The following MUC4 variants were observed in gnomAD, a reference collection of about 807,000 sequenced individuals.
The protein encoded by MUC4 is mucin 4, cell surface associated.
Under a neutral mutation model 257.9 loss-of-function variants are expected in MUC4, and 202 were observed. The observed-to-expected ratio is 0.78, with a 90% CI of 0.70 to 0.88. The LOEUF (loss-of-function observed/expected upper bound fraction) is 0.88. Ranked by LOEUF, MUC4 falls within the 40% of genes least tolerant of loss-of-function variation. The pLI, the probability that MUC4 is intolerant of heterozygous loss-of-function variation, is 0.00. For missense variants in MUC4, 5,976 were observed against 6,513.7 expected (o/e 0.92, Z 2.84); for synonymous variants, 2,351 against 2,757.1 (o/e 0.85, Z 4.62).
In MUC4 at chr3:195,781,376, A is replaced by G; in HGVS notation, c.10204T>C (p.Ser3402Pro). 1 of 1,485,020 alleles carries G rather than the reference A, an allele frequency of 6.7e-7. No individual in the cohort carries two copies. Among genetic ancestry groups the G allele is most frequent in the Non-Finnish European group, 9.1e-7 (1 of 1,104,626 alleles). 92.0% of individuals were successfully genotyped at this position (1,485,020 alleles called of 1,614,324 possible). A position where few individuals can be genotyped will look rare whatever the true frequency, so the allele number is the denominator to read the frequency against. ...GGAAGAGGCATGGTGTCACCTGTGG[A>G]TACTGAGGAAGTGTTGGTGACAGGA... ...PLPVTNTSSV[S>P]TGDTMPLPVT... Residue 3402 changes from serine to proline, a missense_variant, in exon 2 of 25, where the codon TCC (serine) becomes CCC (proline). Physicochemically the swap from Ser to Pro is moderately conservative, Grantham distance 74. Around this residue, in one of 44 missense-constraint regions of MUC4, gnomAD observed 297 missense variants for 240.9 expected, o/e 1.23. Transcript: ENST00000463781.
At position 195,780,314 on chromosome 3, in the gene MUC4, C is replaced by A. The variant is rs1466388036; in HGVS notation, c.11266G>T (p.Gly3756Cys). ...PVTSTSSAST[G>C]HATPLLVTDA... ...GTGACAAGAAGAGGGGTGGCGTGAC[C>A]TGTGGATGCTGAGGAAGTGCTGGTG... The change falls in exon 2 of 25, where the codon GGT (glycine) becomes TGT (cysteine). Residue 3756 changes from glycine (G) to cysteine (C), a missense_variant. Physicochemically the swap from Gly to Cys is radical, Grantham distance 159. Coordinates refer to ENST00000463781, the MANE Select transcript of MUC4 (RefSeq NM_018406.7). The A allele has an allele frequency of 1.4e-5, 21 of 1,527,504 alleles. No homozygotes were observed. The highest frequency in any genetic ancestry group is 1.9e-5 in the Non-Finnish European group (21 of 1,130,408). 94.6% of individuals were successfully genotyped at this position (1,527,504 alleles called of 1,614,324 possible).
intron 1 of MUC4, among the ~76,000 whole-genome samples, chr3:195,796,481 G>A (rs563346568): frequency 9.2e-5 from 14 of 152,246 alleles, no homozygotes; most frequent in Non-Finnish European, 1.6e-4. Flanking sequence ...GGGAGGGTGA[G>A]GCAGGCGGAT....
At chr3:195,775,332 A>AC (rs72596503) in intron 3 of MUC4, among the ~76,000 whole-genome samples, 10,167 of 51,900 alleles carry the variant, frequency 0.2, 1,540 homozygotes, top group African/African-American at 0.34. Flanking sequence ...TCGGGGATCC[A>AC]CCCCCATGCA....
intron 7 of MUC4, among the ~76,000 whole-genome samples, chr3:195,767,465 CCACCACCATCACCATCACCACCACCAT>C (rs1720847589): frequency 7.2e-6 from 1 of 137,952 alleles, no homozygotes; most frequent in African/African-American, 2.7e-5. Flanking sequence ...ACCAACACTA[CCACCACCATCACCATCACCACCACCAT>C]CACCATCACC....
chr3:195,752,418 C>A lies in MUC4; in HGVS notation c.15537G>T (p.Leu5179Phe), dbSNP rs1410967828. Residue 5179 changes from leucine to phenylalanine, a missense_variant, in exon 21 of 25, where the codon TTG (leucine) becomes TTT (phenylalanine). Around this residue, in one of 44 missense-constraint regions of MUC4, gnomAD observed 996 missense variants for 1,137.3 expected, o/e 0.88. Transcript: ENST00000463781. ...TGGAGGCATTTTCCTCTTCACTGAGCAAGAGCTGGATGACTCTTAAGGGAA... is the reference window on the plus strand; with the variant it reads ...TGGAGGCATTTTCCTCTTCACTGAGAAAGAGCTGGATGACTCTTAAGGGAA... Reference protein sequence around the residue: ...LELPLRVIQLLLSEEENASMA... With the variant: ...LELPLRVIQLFLSEEENASMA... 1.2e-6 allele frequency: 2 copies of A among 1,614,076 alleles called. No homozygotes were observed. The highest frequency in any genetic ancestry group is 1.7e-6 in the Non-Finnish European group (2 of 1,179,868).
chr3:195,757,324 A>G lies in MUC4; in HGVS notation c.14991T>C (p.Asn4997=). Residue 4997 remains asparagine, a synonymous_variant, in exon 18 of 25, where the codon AAT becomes AAC. Coordinates refer to ENST00000463781, the MANE Select transcript of MUC4 (RefSeq NM_018406.7). The surrounding 1 kb of genome is among the most constrained non-coding windows in gnomAD (Gnocchi z 4.8). ...DSCTDLELFE[N]GTLLWTPKSL... The stretch of plus-strand genomic sequence containing the variant: ...ACTTGGGTGTCCACAGCAACGTCCC[A>G]TTCTCTGCCCCGGGGAAGATGAGAA... 3.8e-6 allele frequency: 6 copies of G among 1,593,600 alleles called. No individual in the cohort carries two copies. The highest frequency in any genetic ancestry group is 5.2e-6 in the Non-Finnish European group (6 of 1,163,088).
At chr3:195,809,188 A>T (rs889099826) in intron 1 of MUC4, among the ~76,000 whole-genome samples, 2 of 152,130 alleles carry the variant, frequency 1.3e-5, no homozygotes, top group Non-Finnish European at 2.9e-5. Context: ...TTAACCCTTG[A>T]GAGCCAGGGC....
rs1344371738 is a variant in MUC4 at position 195,788,809 on chromosome 3, A to C, written c.2771T>G (p.Leu924Arg). ...GAAGGTGTCGGTTGCCTGGGACGCC[A>C]GGCTGATAGTGTCAGACCCTCTGCT... ...RTSRGSDTISLASQATDTFST... is the reference protein window; with the variant it reads ...RTSRGSDTISRASQATDTFST... Residue 924 changes from leucine (L) to arginine (R), a missense_variant, in exon 2 of 25, where the codon CTG becomes CGG. Physicochemically the swap from Leu to Arg is moderately radical, Grantham distance 102. Transcript: ENST00000463781. The C allele has an allele frequency of 6.2e-7, 1 of 1,613,910 alleles. No individual in the cohort carries two copies. Among genetic ancestry groups the C allele is most frequent in the Non-Finnish European group, 8.5e-7 (1 of 1,179,864 alleles).
Position 195,789,463 on chromosome 3 carries a change from G to C in MUC4, c.2117C>G (p.Thr706Ser), listed in dbSNP as rs534391233. The C allele has an allele frequency of 8.7e-5, 140 of 1,613,992 alleles. 3 individuals are homozygous for C. The South Asian group carries it at 1.4e-3, about 16-fold the overall frequency. Reference protein sequence around the residue: ...APAPTGDGHTTQAPTTALQAA... With the variant: ...APAPTGDGHTSQAPTTALQAA... ...CTGCAGTGCTGTGGTCGGGGCCTGG[G>C]TTGTGTGACCATCCCCGGTGGGAGC... Residue 706 changes from threonine (T) to serine (S), a missense_variant, in exon 2 of 25, where the codon ACC becomes AGC. Coordinates refer to ENST00000463781, the MANE Select transcript of MUC4 (RefSeq NM_018406.7).
At chr3:195,756,731 T>C (rs1395632170) in intron 18 of MUC4, among the ~76,000 whole-genome samples, 1 of 151,746 alleles carries the variant, frequency 6.6e-6, no homozygotes, top group Non-Finnish European at 1.5e-5. Context: ...GGCGCAATCT[T>C]GGCTCACTGT....
In MUC4 at chr3:195,762,198, A is replaced by C; in HGVS notation, c.14401T>G (p.Ser4801Ala). Reference protein sequence around the residue: ...VLLSRNGSEVSASFDGWATVS... With the variant: ...VLLSRNGSEVAASFDGWATVS... ...GTGGCCCAGCCGTCGAAGCTGGCCG[A>C]GACCTCAGAGCCGTTGCGGCTCAGG... The change falls in exon 14 of 25, where the codon TCG (serine) becomes GCG (alanine). Residue 4801 changes from serine (S) to alanine (A), a missense_variant. Ser to Ala is a moderately conservative substitution (Grantham distance 99). Transcript: ENST00000463781. 1 of 1,599,886 alleles carries C rather than the reference A, an allele frequency of 6.3e-7. No individual in the cohort carries two copies. The highest frequency in any genetic ancestry group is 1.7e-5 in the Admixed American group (1 of 58,476).
chr3:195,797,020 A>C (rs779262700), intron 1 of MUC4, among the ~76,000 whole-genome samples: 2 of 152,214 alleles, frequency 1.3e-5, no homozygotes, highest in Non-Finnish European at 2.9e-5. Context: ...AGGCAGGCGG[A>C]TCACTTGAGG....
rs1234927577 is a variant in MUC4, at chr3:195,792,369, CAT to C, written c.83-874_83-873del. 7.9e-5 allele frequency among the ~76,000 whole-genome samples: 12 copies of C among 152,296 alleles called. No individual in the cohort carries two copies. In the East Asian group the frequency reaches 9.6e-4, roughly 12 times the overall value. On this transcript the variant is annotated intron_variant, in intron 1 of 24. Coordinates refer to ENST00000463781, the MANE Select transcript of MUC4 (RefSeq NM_018406.7). ...AGAAGACATTTATGCCACCAACAAA[CAT>C]ATGAAAAAAGGCTCATCATCATGGA... is the stretch of plus-strand genomic sequence containing the variant.
At position 195,778,318 on chromosome 3, in the gene MUC4, T is replaced by C; in HGVS notation, c.12928A>G (p.Ile4310Val). 6.2e-7 allele frequency: 1 copy of C among 1,610,172 alleles called. No homozygotes were observed. The highest frequency in any genetic ancestry group is 8.5e-7 in the Non-Finnish European group (1 of 1,178,898). The change falls in exon 3 of 25, where the codon ATC (isoleucine) becomes GTC (valine). Residue 4310 changes from isoleucine (I) to valine (V), a missense_variant. By Grantham distance (29) the Ile-to-Val change is conservative (BLOSUM62 3). Transcript: ENST00000463781. ...ATGGCCTCACCTCTCTCAGGCAGGA[T>C]GGGGATGGGGGCAGCTGTGGAGCGG... ...HTRSTAAPIPILPERGVSLFP... is the reference protein window; with the variant it reads ...HTRSTAAPIPVLPERGVSLFP...
chr3:195,792,229 T>C (rs1560405702), intron 1 of MUC4, among the ~76,000 whole-genome samples: 1 of 152,164 alleles, frequency 6.6e-6, no homozygotes, highest in South Asian at 2.1e-4. Flanking sequence ...TTTTGCAATC[T>C]AACCATCTGA....
intron 1 of MUC4, among the ~76,000 whole-genome samples, chr3:195,804,858 C>T (rs2550256): frequency 0.54 from 82,774 of 152,118 alleles, 23,649 homozygotes; most frequent in East Asian, 0.75. Flanking sequence ...CCACTGGGTA[C>T]TTCCCTAGAA....
rs1733388338 is a variant in MUC4, at chr3:195,788,688, T to A, written c.2892A>T (p.Lys964Asn). ...TGCTGATGAGGGCCGTGGTGAAGGT[T>A]TTACCAGACCCTGAAGGTGACAGAG... The part of the protein sequence containing the change: ...THTLSPSGSG[K>N]TFTTALISNA... Residue 964 changes from lysine (K) to asparagine (N), a missense_variant, in exon 2 of 25, where the codon AAA (lysine) becomes AAT (asparagine). Around this residue, in one of 44 missense-constraint regions of MUC4, gnomAD observed 1,583 missense variants for 1,257.4 expected, o/e 1.26. Transcript: ENST00000463781. 6.2e-7 allele frequency: 1 copy of A among 1,602,828 alleles called. No individual in the cohort carries two copies.
chr3:195,750,975 T>C lies in MUC4; in HGVS notation c.15785A>G (p.Tyr5262Cys). Residue 5262 changes from tyrosine (Y) to cysteine (C), a missense_variant, in exon 23 of 25, where the codon TAC becomes TGC. This residue lies in a region of MUC4 where 310 missense variants were observed against 242.1 expected (regional missense o/e 1.28). Transcript: ENST00000463781. ...LLAAVVEAFL[Y>C]HVPRRSEEPR... is the part of the protein sequence containing the mutation. ...CTCCTCACTCCTCCGTGGAACGTGG[T>C]ATAAGAACGCCTCCACCACCGCGGC... 1 of 1,613,740 alleles carries C rather than the reference T, an allele frequency of 6.2e-7. No individual in the cohort carries two copies. The highest frequency in any genetic ancestry group is 1.1e-5 in the South Asian group (1 of 91,028).
At position 195,782,186 on chromosome 3, in the gene MUC4, C is replaced by A. The variant is rs1448852560; in HGVS notation, c.9394G>T (p.Gly3132Cys). The A allele has an allele frequency of 1.4e-6, 2 of 1,385,222 alleles. No homozygotes were observed. Among genetic ancestry groups the A allele is most frequent in the Non-Finnish European group, 1.9e-6 (2 of 1,046,254 alleles). The allele number at this position is 1,385,222 out of a possible 1,614,324, so 85.8% of individuals were successfully genotyped here. A position where few individuals can be genotyped will look rare whatever the true frequency, so the allele number is the denominator to read the frequency against. ...GTGACAGGAAGAGCGGTGGCCTGAC[C>A]TGTGGATGCTGAGGAAGTGTCGGTG... is the stretch of plus-strand genomic sequence containing the variant. ...PVTDTSSAST[G>C]QATALPVTST... The change falls in exon 2 of 25, where the codon GGT becomes TGT. Residue 3132 changes from glycine to cysteine, a missense_variant. Around this residue, in one of 44 missense-constraint regions of MUC4, gnomAD observed 128 missense variants for 104.8 expected, o/e 1.22. Coordinates refer to ENST00000463781, the MANE Select transcript of MUC4 (RefSeq NM_018406.7).
Sources: allele counts gnomAD v4.1 joint callset (sites outside exome capture counted in the v4.1 genomes callset), GRCh38; gene constraint gnomAD v4.1.1; regional missense constraint gnomAD v4.1.1; non-coding constraint Gnocchi (gnomAD v3.1); transcripts MANE v1.5; gene names NCBI Gene and HGNC (gene_info 2026-07-23, HGNC 2026-07-21).